SMIM35: variants seen among roughly 807,000 people sequenced by gnomAD.
SMIM35 encodes the protein TMPRSS4 antisense RNA 1 (non-protein coding).
At chr11:118,065,246 C>G (rs753396916) in intron 1 of SMIM35, among the ~76,000 whole-genome samples, 3 of 152,222 alleles carry the variant, frequency 2.0e-5, no homozygotes, top group Admixed American at 1.3e-4. Flanking sequence ...CCAGCCTAAT[C>G]TGGCTTTCCC....
intron 1 of SMIM35, among the ~76,000 whole-genome samples, chr11:118,080,675 G>T (rs1488924380): frequency 2.6e-5 from 4 of 152,160 alleles, no homozygotes; most frequent in Non-Finnish European, 2.9e-5. Context: ...AATGAGGAGA[G>T]ACCAGCTCAA....
intron 1 of SMIM35, among the ~76,000 whole-genome samples, chr11:118,046,643 C>T (rs557173386): frequency 1.1e-4 from 17 of 152,302 alleles, no homozygotes; most frequent in South Asian, 2.1e-4. Flanking sequence ...GAGTTCCCTA[C>T]GGATCTTTCA....
intron 1 of SMIM35, chr11:118,028,613 T>C: frequency 4.3e-6 from 1 of 232,264 alleles, no homozygotes; most frequent in Non-Finnish European, 8.8e-6. Flanking sequence ...CATGGGAAAC[T>C]TGGGTTTTCA....
chr11:118,079,215 G>A (rs1041873550), intron 1 of SMIM35, among the ~76,000 whole-genome samples: 14 of 152,114 alleles, frequency 9.2e-5, no homozygotes, highest in African/African-American at 3.4e-4. Flanking sequence ...CTGTCATTAA[G>A]CCTGTGCTTA....
At chr11:118,039,708 T>C (rs1943968304) in intron 1 of SMIM35, among the ~76,000 whole-genome samples, 1 of 150,674 alleles carries the variant, frequency 6.6e-6, no homozygotes, top group Non-Finnish European at 1.5e-5. Context: ...AGACCCTGTC[T>C]CAAAATAATA....
rs114844893 is a variant in SMIM35, at chr11:118,061,857, G to A, written c.7+24894C>T. Among the ~76,000 whole-genome samples the A allele has an allele frequency of 4.7e-3, 717 of 152,120 alleles. 3 individuals are homozygous for A. The highest frequency in any genetic ancestry group is 0.016 in the African/African-American group (670 of 41,496). ...ACAAAACCAACCCTCCCTGCTCAAG[G>A]GATTCCCACTTTTGCAGCCCACAGC... On this transcript the variant is annotated intron_variant, in intron 1 of 4. Transcript: ENST00000689828.
At chr11:118,013,627 T>G (rs769144259) in intron 4 of SMIM35, 121 bp downstream of exon 4, 133 of 392,030 alleles carry the variant, frequency 3.4e-4, no homozygotes, top group Non-Finnish European at 5.2e-4. Context: ...AGACAGGGGA[T>G]GAACCAAATA....
intron 1 of SMIM35, among the ~76,000 whole-genome samples, chr11:118,075,904 G>A (rs559161900): frequency 1.5e-5 from 2 of 134,392 alleles, no homozygotes; most frequent in East Asian, 4.2e-4. Context: ...TGGCTGTAAG[G>A]TTTCACCTTG....
intron 1 of SMIM35, among the ~76,000 whole-genome samples, chr11:118,023,819 G>C (rs1330662253): frequency 1.3e-5 from 2 of 152,208 alleles, no homozygotes; most frequent in East Asian, 3.9e-4. Context: ...GATCACTTGA[G>C]GTCAGGAGTT....
At position 118,078,296 on chromosome 11, in the gene SMIM35, G is replaced by T. The variant is rs186902128; in HGVS notation, c.7+8455C>A. The stretch of plus-strand genomic sequence containing the variant: ...AGGGGTCTTCCTTCTCCAGTCCTTG[G>T]CCAAGAGGCAGCAATTGCCCAGCCA... On this transcript the variant is annotated intron_variant, in intron 1 of 4. Transcript: ENST00000689828. Among the ~76,000 whole-genome samples the T allele has an allele frequency of 2.6e-5, 4 of 152,238 alleles. No homozygotes were observed. The East Asian group carries it at 5.8e-4, about 22-fold the overall frequency.
chr11:118,012,633 G>A (rs983117542), intron 4 of SMIM35, among the ~76,000 whole-genome samples: 3 of 152,196 alleles, frequency 2.0e-5, no homozygotes, highest in African/African-American at 7.2e-5. Context: ...TTGGGAGTTG[G>A]CCATGTTTGG....
chr11:118,083,661 C>A (rs1459874404), intron 1 of SMIM35, among the ~76,000 whole-genome samples: 1 of 152,122 alleles, frequency 6.6e-6, no homozygotes, highest in Non-Finnish European at 1.5e-5. Context: ...GGCAAAAGAG[C>A]TTTACCTCTG....
At chr11:118,034,613 A>T (rs1324587587) in intron 1 of SMIM35, among the ~76,000 whole-genome samples, 1 of 152,240 alleles carries the variant, frequency 6.6e-6, no homozygotes, top group African/African-American at 2.4e-5. Context: ...AGTCCCAGCT[A>T]CTTGGAGAAT....
intron 4 of SMIM35, among the ~76,000 whole-genome samples, chr11:118,008,806 G>A (rs903229288): frequency 6.6e-6 from 1 of 152,238 alleles, no homozygotes; most frequent in African/African-American, 2.4e-5. Context: ...CTCAGAAGAG[G>A]TTTAAAACCT....
At chr11:118,069,362 C>T (rs1171575914) in intron 1 of SMIM35, among the ~76,000 whole-genome samples, 3 of 152,184 alleles carry the variant, frequency 2.0e-5, no homozygotes, top group Non-Finnish European at 4.4e-5. Flanking sequence ...CCATCTCTTG[C>T]CTGAACTATT....
intron 1 of SMIM35, among the ~76,000 whole-genome samples, chr11:118,030,299 T>C (rs1278722989): frequency 6.6e-6 from 1 of 152,100 alleles, no homozygotes; most frequent in Non-Finnish European, 1.5e-5. Context: ...CCACCTAAAG[T>C]GTTGGGATTA....
intron 1 of SMIM35, chr11:118,077,047 T>C: frequency 2.1e-6 from 1 of 480,016 alleles, no homozygotes; most frequent in Non-Finnish European, 3.7e-6. Flanking sequence ...TGTAGGGCTG[T>C]TTTAATCAAG....
At chr11:118,045,531 T>C (rs934460586) in intron 1 of SMIM35, among the ~76,000 whole-genome samples, 17 of 152,198 alleles carry the variant, frequency 1.1e-4, no homozygotes, top group African/African-American at 3.9e-4. Flanking sequence ...GCTTGAACCA[T>C]ATAAAATTGT....
At chr11:118,037,035 T>A (rs1419841084) in intron 1 of SMIM35, among the ~76,000 whole-genome samples, 1 of 152,194 alleles carries the variant, frequency 6.6e-6, no homozygotes, top group East Asian at 1.9e-4. Context: ...AAGGTGGATG[T>A]GGTCACCTTC....
Sources: gnomAD v4.1 joint callset for allele counts (sites outside exome capture counted in the v4.1 genomes callset) on GRCh38, gnomAD v4.1.1 for gene constraint, MANE v1.5 for transcripts, NCBI Gene and HGNC (gene_info 2026-07-23, HGNC 2026-07-21) for gene names.